PCDHGB6: variants seen among roughly 807,000 people sequenced by gnomAD.
PCDHGB6 encodes the protein protocadherin gamma-B6.
In PCDHGB6, 51 loss-of-function variants were observed where a neutral mutation model predicts 59.1. The observed-to-expected ratio is 0.86, with a 90% CI of 0.69 to 1.09. The LOEUF (loss-of-function observed/expected upper bound fraction) is 1.09, where lower values mean the gene tolerates loss of function less well. Ranked by LOEUF, PCDHGB6 falls within the 50% of genes least tolerant of loss-of-function variation. The pLI, the probability that PCDHGB6 is intolerant of heterozygous loss-of-function variation, is 0.00. For synonymous variants in PCDHGB6, 466 were observed against 495.1 expected (o/e 0.94, Z 0.78); for missense variants, 1,148 against 1,205.1 (o/e 0.95, Z 0.70).
At chr5:141,415,653 G>T in intron 1 of PCDHGB6, 1 of 1,539,362 alleles carries the variant, frequency 6.5e-7, no homozygotes, top group Non-Finnish European at 8.8e-7. Context: ...AAAAAAAAAA[G>T]ATTGGTTTTT....
intron 2 of PCDHGB6, among the ~76,000 whole-genome samples, chr5:141,499,370 AT>A (rs932083472): frequency 2.0e-5 from 3 of 152,170 alleles, no homozygotes. Context: ...TAGCAACTTA[AT>A]TTTTTTCCAC....
rs2099811015 is a variant in PCDHGB6 at position 141,501,774 on chromosome 5, G to GTC, written c.2478-3612_2478-3611dup. ...CTCTCAGTAAATGGTTAAAAAAGAG[G>GTC]TCTCTCTCCCTCTGCTCATCTCTTA... is the stretch of plus-strand genomic sequence containing the variant. On this transcript the variant is annotated intron_variant, in intron 2 of 3. Coordinates refer to ENST00000520790, the MANE Select transcript of PCDHGB6 (RefSeq NM_018926.3). Among the ~76,000 whole-genome samples, 3 of 152,062 alleles carry GTC rather than the reference G, an allele frequency of 2.0e-5. No homozygotes were observed. In the South Asian group the frequency reaches 6.2e-4, roughly 32 times the overall value.
Position 141,485,609 on chromosome 5 carries a change from G to C in PCDHGB6, c.2419-9198G>C, listed in dbSNP as rs1432367043. On this transcript the variant is annotated intron_variant, in intron 1 of 3. Coordinates refer to ENST00000520790, the MANE Select transcript of PCDHGB6 (RefSeq NM_018926.3). The surrounding 1 kb of genome is among the most constrained non-coding windows in gnomAD (Gnocchi z 5.7). ...GCTGGACTTGGAAATTGGGGAGGCA[G>C]CTCCTCCAGGACAGCGTTTCCCGTT... The C allele has an allele frequency of 1.2e-6, 2 of 1,612,138 alleles. No homozygotes were observed. Among genetic ancestry groups the C allele is most frequent in the Non-Finnish European group, 1.7e-6 (2 of 1,178,664 alleles).
intron 1 of PCDHGB6, chr5:141,423,769 CATAT>C (rs2096780943): frequency 8.2e-7 from 1 of 1,219,458 alleles, no homozygotes; most frequent in South Asian, 2.2e-5. Context: ...GGTGGGGCGG[CATAT>C]ATTTAGTTCA....
chr5:141,461,429 T>A lies in PCDHGB6; in HGVS notation c.2419-33378T>A, dbSNP rs193056679. On this transcript the variant is annotated intron_variant, in intron 1 of 3. Coordinates refer to ENST00000520790, the MANE Select transcript of PCDHGB6 (RefSeq NM_018926.3). The stretch of plus-strand genomic sequence containing the variant: ...TTTTCATATGTTTGTGGGCCATTTG[T>A]ATACCTTCTTTTGAGAAATGGCTAT... Among the ~76,000 whole-genome samples the A allele has an allele frequency of 5.6e-4, 85 of 152,328 alleles. 1 individual carries two copies. The highest frequency in any genetic ancestry group is 1.5e-3 in the African/African-American group (64 of 41,580).
intron 1 of PCDHGB6, among the ~76,000 whole-genome samples, chr5:141,444,463 G>T (rs570185430): frequency 6.6e-6 from 1 of 152,144 alleles, no homozygotes; most frequent in Admixed American, 6.5e-5. Flanking sequence ...GAGTCACTGC[G>T]CCCGGTCGCG....
intron 2 of PCDHGB6, among the ~76,000 whole-genome samples, chr5:141,503,985 T>C (rs1277024188): frequency 6.6e-6 from 1 of 152,150 alleles, no homozygotes; most frequent in African/African-American, 2.4e-5. Flanking sequence ...ACCCTTCTTC[T>C]TACCTTACAG....
chr5:141,485,920 T>G lies in PCDHGB6; in HGVS notation c.2419-8887T>G. 4 of 1,614,038 alleles carry G rather than the reference T, an allele frequency of 2.5e-6. No individual in the cohort carries two copies. Among genetic ancestry groups the G allele is most frequent in the Non-Finnish European group, 3.4e-6 (4 of 1,180,010 alleles). ...CCTTCCAGCAATCCAGCTACAGGAT[T>G]AGTGTGTTGGAGAGCGCACCAGCGG... On this transcript the variant is annotated intron_variant, in intron 1 of 3. Transcript: ENST00000520790. The surrounding 1 kb of genome is among the most constrained non-coding windows in gnomAD (Gnocchi z 5.7).
intron 2 of PCDHGB6, among the ~76,000 whole-genome samples, chr5:141,504,788 TC>T (rs1235410120): frequency 6.6e-6 from 1 of 152,070 alleles, no homozygotes; most frequent in Non-Finnish European, 1.5e-5. Context: ...TCTTGGGGCC[TC>T]CTACATCTCC....
At chr5:141,501,402 G>A (rs527659990) in intron 2 of PCDHGB6, among the ~76,000 whole-genome samples, 5 of 151,740 alleles carry the variant, frequency 3.3e-5, no homozygotes, top group Non-Finnish European at 7.4e-5. Flanking sequence ...ACAGGCCACT[G>A]CTTGGAAAAT....
chr5:141,464,079 A>G (rs996899520), intron 1 of PCDHGB6, among the ~76,000 whole-genome samples: 3 of 152,124 alleles, frequency 2.0e-5, no homozygotes, highest in Non-Finnish European at 4.4e-5. Flanking sequence ...AGCCTGGCCA[A>G]CATGGTGAAA....
At chr5:141,428,333 T>A in intron 1 of PCDHGB6, 1 of 618,518 alleles carries the variant, frequency 1.6e-6, no homozygotes, top group Non-Finnish European at 2.9e-6. Context: ...ATTTCTATGC[T>A]CTTCTTCCTC....
At position 141,422,119 on chromosome 5, in the gene PCDHGB6, C is replaced by T. The variant is rs778866054; in HGVS notation, c.2418+11499C>T. 26 of 1,603,658 alleles carry T rather than the reference C, an allele frequency of 1.6e-5. No homozygotes were observed. In the Admixed American group the frequency reaches 4.2e-4, roughly 26 times the overall value. ...TTCTGAAATATTCCAATTGGATTCA[C>T]AAACTGGAGAAGTTCAAGTACGGGG... On this transcript the variant is annotated intron_variant, in intron 1 of 3. Transcript: ENST00000520790.
chr5:141,459,084 A>T (rs2098960410), intron 1 of PCDHGB6, among the ~76,000 whole-genome samples: 2 of 152,204 alleles, frequency 1.3e-5, no homozygotes, highest in Non-Finnish European at 2.9e-5. Flanking sequence ...TGCCTTTTAA[A>T]ATTATACAGT....
At chr5:141,427,812 G>A (rs1380721111) in intron 1 of PCDHGB6, 1 of 1,524,286 alleles carries the variant, frequency 6.6e-7, no homozygotes, top group African/African-American at 1.4e-5. Context: ...CGCACAGAGC[G>A]GGGTGGTGGT....
At chr5:141,418,692 C>T in intron 1 of PCDHGB6, 5 of 1,614,032 alleles carry the variant, frequency 3.1e-6, no homozygotes, top group Non-Finnish European at 4.2e-6. Flanking sequence ...TCAGAGATCA[C>T]TTATTCCTTC....
rs1562157859 is a variant in PCDHGB6 at position 141,493,022 on chromosome 5, G to GTGCC, written c.2419-1784_2419-1781dup. Among the ~76,000 whole-genome samples, 2 of 152,222 alleles carry GTGCC rather than the reference G, an allele frequency of 1.3e-5. No homozygotes were observed. Among genetic ancestry groups the GTGCC allele is most frequent in the African/African-American group, 4.8e-5 (2 of 41,454 alleles). ...GCTATAGGCTCTGCCAGATGCCAGG[G>GTGCC]TGCCCTTATGTGTGAGGAAACTACA... On this transcript the variant is annotated intron_variant, in intron 1 of 3. Coordinates refer to ENST00000520790, the MANE Select transcript of PCDHGB6 (RefSeq NM_018926.3). The surrounding 1 kb of genome is among the most constrained non-coding windows in gnomAD (Gnocchi z 4.3).
Position 141,477,439 on chromosome 5 carries a change from A to C in PCDHGB6, c.2419-17368A>C. 1 of 1,614,142 alleles carries C rather than the reference A, an allele frequency of 6.2e-7. No homozygotes were observed. Among genetic ancestry groups the C allele is most frequent in the Non-Finnish European group, 8.5e-7 (1 of 1,180,016 alleles). On this transcript the variant is annotated intron_variant, in intron 1 of 3. Transcript: ENST00000520790. This position sits in a 1 kb window ranked among gnomAD's most constrained non-coding sequence, Gnocchi z 4.9. ...GAACCCCTTCCCTCTCAGCCCTTAC[A>C]ATAGTGCGTGTTCAAGTGTCCGACA... is the stretch of plus-strand genomic sequence containing the variant.
In PCDHGB6 at chr5:141,511,335, A is replaced by T; in HGVS notation, c.*162A>T. 7.0e-7 allele frequency: 1 copy of T among 1,438,820 alleles called. No homozygotes were observed. The highest frequency in any genetic ancestry group is 9.2e-7 in the Non-Finnish European group (1 of 1,083,596). The allele number at this position is 1,438,820 out of a possible 1,614,324, so 89.1% of individuals were successfully genotyped here. A position where few individuals can be genotyped will look rare whatever the true frequency, so the allele number is the denominator to read the frequency against. On this transcript the variant is annotated 3_prime_UTR_variant, in exon 4 of 4. Coordinates refer to ENST00000520790, the MANE Select transcript of PCDHGB6 (RefSeq NM_018926.3). ...AAACAGAAACAAGTGCCCAGTCAGC[A>T]CCTACCCCTTCCCCCCCAGGGGGTT...
Sources: gnomAD v4.1 joint callset for allele counts (sites outside exome capture counted in the v4.1 genomes callset) on GRCh38, gnomAD v4.1.1 for gene constraint, Gnocchi (gnomAD v3.1) non-coding constraint, MANE v1.5 for transcripts, NCBI Gene and HGNC (gene_info 2026-07-23, HGNC 2026-07-21) for gene names.